GALNT18: variants seen among roughly 807,000 people sequenced by gnomAD.
The protein encoded by GALNT18 is polypeptide N-acetylgalactosaminyltransferase 18.
Under a neutral mutation model 69.5 loss-of-function variants are expected in GALNT18, and 44 were observed. The observed-to-expected ratio is 0.63, with a 90% CI of 0.50 to 0.81. The LOEUF (loss-of-function observed/expected upper bound fraction) is 0.81, where lower values mean the gene tolerates loss of function less well. GALNT18 is among the 40% of genes least tolerant of loss of function. GALNT18 has a pLI of 0.00. For synonymous variants in GALNT18, 364 were observed against 318.2 expected, an observed-to-expected ratio of 1.14 and a Z score of -1.53; for missense variants, 715 against 810.0, an observed-to-expected ratio of 0.88 and a Z score of 1.42.
intron 1 of GALNT18, among the ~76,000 whole-genome samples, chr11:11,515,618 A>G (rs1857257930): frequency 6.6e-6 from 1 of 152,246 alleles, no homozygotes; most frequent in Admixed American, 6.5e-5. Context: ...ACACAGAGAA[A>G]TGGAGTTGGG....
chr11:11,344,487 A>T (rs1225830668), intron 6 of GALNT18, among the ~76,000 whole-genome samples: 1 of 152,194 alleles, frequency 6.6e-6, no homozygotes, highest in Non-Finnish European at 1.5e-5. Flanking sequence ...ACTTGTCACC[A>T]AATTGTCCCT....
Position 11,568,837 on chromosome 11 carries a change from G to A in GALNT18, c.235+52522C>T, listed in dbSNP as rs562604528. 3.0e-3 allele frequency among the ~76,000 whole-genome samples: 460 copies of A among 152,318 alleles called. 3 individuals are homozygous for A. The highest frequency in any genetic ancestry group is 0.01 in the African/African-American group (425 of 41,562). ...TGGTTTCCTTGGAGATGTCTTAGCC[G>A]ATAGCTGAGATGAGAAGAAGCCTGT... On this transcript the variant is annotated intron_variant, in intron 1 of 10. Coordinates refer to ENST00000227756, the MANE Select transcript of GALNT18 (RefSeq NM_198516.3).
chr11:11,544,422 A>G (rs944530914), intron 1 of GALNT18, among the ~76,000 whole-genome samples: 1 of 152,242 alleles, frequency 6.6e-6, no homozygotes, highest in Admixed American at 6.5e-5. Flanking sequence ...ATTAAGTCAT[A>G]TAATTTGTTT....
rs188821289 is a variant in GALNT18, at chr11:11,437,213, C to T, written c.429-4426G>A. Among the ~76,000 whole-genome samples, 8 of 152,288 alleles carry T rather than the reference C, an allele frequency of 5.3e-5. No individual in the cohort carries two copies. In the East Asian group the frequency reaches 9.6e-4, roughly 18 times the overall value. On this transcript the variant is annotated intron_variant, in intron 2 of 10. Coordinates refer to ENST00000227756, the MANE Select transcript of GALNT18 (RefSeq NM_198516.3). ...AGCTCCTCGAGAACTCACAACTGCACGAGACCGAGCCCATGCTCATTTTGA... is the reference window on the plus strand; with the variant it reads ...AGCTCCTCGAGAACTCACAACTGCATGAGACCGAGCCCATGCTCATTTTGA...
chr11:11,611,403 GCTGTGGA>G (rs1186684431), intron 1 of GALNT18, among the ~76,000 whole-genome samples: 1 of 152,230 alleles, frequency 6.6e-6, no homozygotes, highest in Non-Finnish European at 1.5e-5. Flanking sequence ...TGGGGAAGGG[GCTGTGGA>G]CCCTCACCTT....
intron 1 of GALNT18, among the ~76,000 whole-genome samples, chr11:11,531,736 C>T (rs1857653260): frequency 6.6e-6 from 1 of 152,194 alleles, no homozygotes; most frequent in Admixed American, 6.5e-5. Context: ...CCAGCCAGCC[C>T]TAGGTGTAAC....
chr11:11,350,125 T>C (rs1468162259), intron 6 of GALNT18, among the ~76,000 whole-genome samples: 1 of 152,202 alleles, frequency 6.6e-6, no homozygotes, highest in Non-Finnish European at 1.5e-5. Flanking sequence ...AAGCTTTCCA[T>C]GAAGAAAAAC....
intron 10 of GALNT18, among the ~76,000 whole-genome samples, chr11:11,273,764 TCG>T (rs1848876853): frequency 6.6e-6 from 1 of 152,214 alleles, no homozygotes; most frequent in Non-Finnish European, 1.5e-5. Context: ...GCAGCACTAT[TCG>T]CAATAGACAA....
chr11:11,298,905 G>C (rs1350895729), intron 9 of GALNT18, among the ~76,000 whole-genome samples: 1 of 152,194 alleles, frequency 6.6e-6, no homozygotes, highest in East Asian at 1.9e-4. Context: ...CTCCACCAAA[G>C]AGCCTTTGCA....
At position 11,469,755 on chromosome 11, in the gene GALNT18, G is replaced by A. The variant is rs966538619; in HGVS notation, c.236-20819C>T. Reference sequence around the variant, plus strand: ...GGAATGAGTATAGGCTCCCTTAGGTGTTTTCAGCTTCCTCTTGCAGACTTT... The same window carrying A: ...GGAATGAGTATAGGCTCCCTTAGGTATTTTCAGCTTCCTCTTGCAGACTTT... On this transcript the variant is annotated intron_variant, in intron 1 of 10. Coordinates refer to ENST00000227756, the MANE Select transcript of GALNT18 (RefSeq NM_198516.3). This position sits in a 1 kb window ranked among gnomAD's most constrained non-coding sequence, Gnocchi z 4.2. Among the ~76,000 whole-genome samples, 2 of 152,204 alleles carry A rather than the reference G, an allele frequency of 1.3e-5. No individual in the cohort carries two copies. The highest frequency in any genetic ancestry group is 1.3e-4 in the Admixed American group (2 of 15,284).
chr11:11,611,526 G>A (rs1859899882), intron 1 of GALNT18, among the ~76,000 whole-genome samples: 2 of 152,162 alleles, frequency 1.3e-5, no homozygotes, highest in South Asian at 4.1e-4. Flanking sequence ...GAGTTATCAT[G>A]GAACAGAGAA....
intron 3 of GALNT18, among the ~76,000 whole-genome samples, chr11:11,394,720 A>G (rs529644771): frequency 6.6e-6 from 1 of 152,330 alleles, no homozygotes; most frequent in East Asian, 1.9e-4. Context: ...ATTGCTCGAG[A>G]CAGCATCCAG....
At chr11:11,412,112 G>C (rs957078897) in intron 3 of GALNT18, among the ~76,000 whole-genome samples, 53 of 152,180 alleles carry the variant, frequency 3.5e-4, no homozygotes, top group Non-Finnish European at 1.2e-4. Context: ...ATCCACTATA[G>C]TAACGTGGCT....
chr11:11,322,515 T>G (rs1006642414), intron 9 of GALNT18, among the ~76,000 whole-genome samples: 2 of 152,222 alleles, frequency 1.3e-5, no homozygotes, highest in African/African-American at 4.8e-5. Context: ...AAGGATAACA[T>G]GAAGACATTC....
chr11:11,357,328 C>T (rs749569471), intron 6 of GALNT18, among the ~76,000 whole-genome samples: 7 of 152,168 alleles, frequency 4.6e-5, no homozygotes, highest in Non-Finnish European at 1.0e-4. Context: ...TGCCCTCTGC[C>T]TGCAAGCAGG....
In GALNT18 at chr11:11,340,131, A is replaced by C. The variant is rs1266741959; in HGVS notation, c.1278+688T>G. 6.6e-6 allele frequency among the ~76,000 whole-genome samples: 1 copy of C among 152,212 alleles called. No homozygotes were observed. The highest frequency in any genetic ancestry group is 2.4e-5 in the African/African-American group (1 of 41,470). On this transcript the variant is annotated intron_variant, in intron 7 of 10. Transcript: ENST00000227756. This position sits in a 1 kb window ranked among gnomAD's most constrained non-coding sequence, Gnocchi z 4.2. ...TAGTAGAGCTGGGTTCTCTCAACTC[A>C]GTAGTCCAAGGTCATTTCCACATGT...
At chr11:11,361,800 G>A (rs1240977275) in intron 6 of GALNT18, among the ~76,000 whole-genome samples, 4 of 152,140 alleles carry the variant, frequency 2.6e-5, no homozygotes, top group Non-Finnish European at 4.4e-5. Context: ...CTGACATCAC[G>A]TGTTTTAAAG....
chr11:11,485,349 C>A (rs1300637292), intron 1 of GALNT18, among the ~76,000 whole-genome samples: 10 of 152,198 alleles, frequency 6.6e-5, no homozygotes, highest in Non-Finnish European at 1.5e-4. Context: ...ATTCCTATGA[C>A]CCCCTCCTCG....
At chr11:11,357,261 C>A (rs1850550136) in intron 6 of GALNT18, among the ~76,000 whole-genome samples, 1 of 152,100 alleles carries the variant, frequency 6.6e-6, no homozygotes, top group Non-Finnish European at 1.5e-5. Context: ...TAGAAGGCAA[C>A]AAAATTTCAA....
Sources: allele counts gnomAD v4.1 joint callset (sites outside exome capture counted in the v4.1 genomes callset), GRCh38; gene constraint gnomAD v4.1.1; non-coding constraint Gnocchi (gnomAD v3.1); transcripts MANE v1.5; gene names NCBI Gene and HGNC (gene_info 2026-07-23, HGNC 2026-07-21).